The following DGKH variants were observed in gnomAD, a reference collection of about 807,000 sequenced individuals.
DGKH encodes the protein DAG kinase eta.
In DGKH, 90 loss-of-function variants were observed where a neutral mutation model predicts 159.3. The ratio of observed to expected loss-of-function variants is 0.57; its 90% CI spans 0.48 to 0.67. DGKH has a LOEUF of 0.67. Among genes scored for constraint, DGKH ranks in the 30% least tolerant of loss-of-function variants. The pLI, the probability that DGKH is intolerant of heterozygous loss-of-function variation, is 0.00. For synonymous variants in DGKH, 536 were observed against 553.8 expected (o/e 0.97, Z 0.45); for missense variants, 1,181 against 1,506.1 (o/e 0.78, Z 3.57).
intron 3 of DGKH, among the ~76,000 whole-genome samples, chr13:42,155,017 G>C (rs1956007208): frequency 1.3e-5 from 2 of 152,142 alleles, no homozygotes; most frequent in African/African-American, 4.8e-5. Context: ...CAGTTTGTAA[G>C]ATGTATTTCG....
Position 42,213,126 on chromosome 13 carries a change from C to T in DGKH, c.3015-1381C>T, listed in dbSNP as rs534065636. Among the ~76,000 whole-genome samples, 202 of 152,084 alleles carry T rather than the reference C, an allele frequency of 1.3e-3. 2 individuals are homozygous for T. Among genetic ancestry groups the T allele is most frequent in the Non-Finnish European group, 2.0e-3 (138 of 67,978 alleles). On this transcript the variant is annotated intron_variant, in intron 24 of 29. Transcript: ENST00000337343. ...AGTAGTGTGGAGGGGTTTTTCTGGA[C>T]GACAGCAAAGCTGGGGCAAGGTGAA...
At chr13:42,213,495 A>C (rs1957714319) in intron 24 of DGKH, among the ~76,000 whole-genome samples, 1 of 152,214 alleles carries the variant, frequency 6.6e-6, no homozygotes, top group South Asian at 2.1e-4. Context: ...TTCTCTGAAA[A>C]TTAGAATAAC....
chr13:42,163,648 C>T (rs374378325), intron 7 of DGKH, among the ~76,000 whole-genome samples: 4 of 152,284 alleles, frequency 2.6e-5, no homozygotes, highest in African/African-American at 4.8e-5. Flanking sequence ...CTTTTGGCTG[C>T]ATAAATGTCT....
downstream of DGKH, among the ~76,000 whole-genome samples, chr13:42,247,539 T>C (rs181873010): frequency 1.3e-5 from 2 of 152,328 alleles, no homozygotes; most frequent in East Asian, 3.9e-4. Flanking sequence ...ATCTACACTT[T>C]TTATCATTAT....
At chr13:42,106,326 T>C (rs1254972102) in intron 1 of DGKH, among the ~76,000 whole-genome samples, 2 of 152,108 alleles carry the variant, frequency 1.3e-5, no homozygotes, top group African/African-American at 2.4e-5. Flanking sequence ...GTGTGTTTCT[T>C]AGGCATCTGG....
In DGKH at chr13:42,129,625, G is replaced by C. The variant is rs761751855; in HGVS notation, c.377G>C (p.Ser126Thr). Residue 126 changes from serine (S) to threonine (T), a missense_variant, in exon 3 of 30, where the codon AGC (serine) becomes ACC (threonine). Transcript: ENST00000337343. ...GCAAGCACGAAAAATGCTAACAACA[G>C]CTTCACGGTATGGTTATATTCTGCT... ...AEASTKNANNSFTIITPFRRL... is the reference protein window; with the variant it reads ...AEASTKNANNTFTIITPFRRL... 6.2e-7 allele frequency: 1 copy of C among 1,611,516 alleles called. No homozygotes were observed. The highest frequency in any genetic ancestry group is 1.3e-5 in the African/African-American group (1 of 74,850).
At chr13:42,206,211 T>C in intron 21 of DGKH, 65 bp downstream of exon 21, 1 of 1,060,336 alleles carries the variant, frequency 9.4e-7, no homozygotes, top group Non-Finnish European at 1.3e-6. Context: ...TAATTTGCTT[T>C]TGTAAATGGG....
intron 20 of DGKH, 109 bp downstream of exon 20, chr13:42,200,018 T>G: frequency 1.1e-6 from 1 of 874,802 alleles, no homozygotes; most frequent in South Asian, 1.9e-5. Context: ...AAATAAATAT[T>G]CAAGGGGAAA....
In DGKH at chr13:42,205,995, T is replaced by A. The variant is rs751049056; in HGVS notation, c.2494-44T>A. The A allele has an allele frequency of 4.8e-6, 6 of 1,247,848 alleles. No individual in the cohort carries two copies. The African/African-American group carries it at 6.2e-5, about 13-fold the overall frequency. The allele number at this position is 1,247,848 out of a possible 1,614,324, so 77.3% of individuals were successfully genotyped here. On this transcript the variant is annotated intron_variant, in intron 20 of 29. Coordinates refer to ENST00000337343, the MANE Select transcript of DGKH (RefSeq NM_178009.5). ...ATCTTCCATACTAGTGGTTCTGCTC[T>A]TTTTATCTAATCTCTACTTTTTTTT... is the stretch of plus-strand genomic sequence containing the variant.
chr13:42,073,314 T>A (rs980010923), intron 1 of DGKH, among the ~76,000 whole-genome samples: 2 of 152,230 alleles, frequency 1.3e-5, no homozygotes, highest in Non-Finnish European at 2.9e-5. Context: ...CAACAATTAG[T>A]AGAATGCAGT....
At chr13:42,105,922 A>G (rs1318602345) in intron 1 of DGKH, among the ~76,000 whole-genome samples, 1 of 152,224 alleles carries the variant, frequency 6.6e-6, no homozygotes, top group Non-Finnish European at 1.5e-5. Context: ...TAATTAATGA[A>G]TAGATCTGTG....
intron 29 of DGKH, among the ~76,000 whole-genome samples, chr13:42,248,552 T>C (rs1958598493): frequency 6.8e-6 from 1 of 147,148 alleles, no homozygotes; most frequent in African/African-American, 2.5e-5. Context: ...TTAAATTATA[T>C]TGTTTAATAT....
chr13:42,189,227 A>G lies in DGKH; in HGVS notation c.1830A>G (p.Lys610=), dbSNP rs1957005243. The G allele has an allele frequency of 6.2e-7, 1 of 1,614,240 alleles. No homozygotes were observed. The highest frequency in any genetic ancestry group is 8.5e-7 in the Non-Finnish European group (1 of 1,180,046). Residue 610 remains lysine (K), a synonymous_variant, in exon 15 of 30, where the codon AAA becomes AAG. Transcript: ENST00000337343. The part of the protein sequence containing the change: ...GDDVTKPSSQ[K]AVKPREIMLR... ...ACGTTACAAAACCTTCCTCCCAGAA[A>G]GCCGTCAAACCAAGGGAAATCATGT... is the stretch of plus-strand genomic sequence containing the variant.
rs900210737 is a variant in DGKH, at chr13:42,238,650, T to C, written c.*9462T>C. 6.6e-6 allele frequency: 1 copy of C among 152,146 alleles called. No individual in the cohort carries two copies. The highest frequency in any genetic ancestry group is 1.5e-5 in the Non-Finnish European group (1 of 67,994). 9.4% of individuals were successfully genotyped at this position (152,146 alleles called of 1,614,324 possible). ...TGGATCACTGACTGCGTTCTCTGAC[T>C]GTGGAATGGTATTCTTTCATGCAAA... On this transcript the variant is annotated 3_prime_UTR_variant, in exon 30 of 30. Coordinates refer to ENST00000337343, the MANE Select transcript of DGKH (RefSeq NM_178009.5).
intron 21 of DGKH, among the ~76,000 whole-genome samples, chr13:42,207,041 CCT>C (rs1232455427): frequency 1.9e-5 from 1 of 53,946 alleles, no homozygotes; most frequent in African/African-American, 6.8e-5. Flanking sequence ...TTCTTTCTTT[CCT>C]TCTTTCCTTC....
intron 1 of DGKH, among the ~76,000 whole-genome samples, chr13:42,098,878 G>T (rs1954596854): frequency 6.6e-6 from 1 of 152,148 alleles, no homozygotes; most frequent in Non-Finnish European, 1.5e-5. Context: ...AATATGAAAG[G>T]ACACATTCCG....
intron 1 of DGKH, among the ~76,000 whole-genome samples, chr13:42,104,700 G>A (rs1159593500): frequency 6.6e-6 from 1 of 152,108 alleles, no homozygotes; most frequent in African/African-American, 2.4e-5. Context: ...AATGGATTAT[G>A]GTAGACCATT....
At chr13:42,077,467 A>G (rs1033950) in intron 1 of DGKH, among the ~76,000 whole-genome samples, 18,576 of 152,206 alleles carry the variant, frequency 0.12, 1,929 homozygotes, top group African/African-American at 0.28. Context: ...TAATGTTTCA[A>G]TAGCAAGAAA....
At position 42,214,557 on chromosome 13, in the gene DGKH, A is replaced by G. The variant is rs1298287029; in HGVS notation, c.3065A>G (p.His1022Arg). 1.2e-6 allele frequency: 2 copies of G among 1,613,652 alleles called. No homozygotes were observed. The highest frequency in any genetic ancestry group is 2.7e-5 in the African/African-American group (2 of 74,918). Reference protein sequence around the residue: ...IHCLLEQELAHAVNACSHALN... With the variant: ...IHCLLEQELARAVNACSHALN... The stretch of plus-strand genomic sequence containing the variant: ...TGTCTTTTGGAGCAAGAACTGGCCC[A>G]TGCTGTGAATGCCTGCTCCCATGCC... The change falls in exon 25 of 30, where the codon CAT (histidine) becomes CGT (arginine). Residue 1022 changes from histidine (H) to arginine (R), a missense_variant. By Grantham distance (29) the His-to-Arg change is conservative (BLOSUM62 0). This residue lies in a region of DGKH where 335 missense variants were observed against 495.2 expected (regional missense o/e 0.68). Transcript: ENST00000337343.
Sources: gnomAD v4.1 joint callset for allele counts (sites outside exome capture counted in the v4.1 genomes callset) on GRCh38, gnomAD v4.1.1 for gene constraint, gnomAD v4.1.1 regional missense constraint, MANE v1.5 for transcripts, NCBI Gene and HGNC (gene_info 2026-07-23, HGNC 2026-07-21) for gene names.